The following CPEB3 variants were observed in gnomAD, a reference collection of about 807,000 sequenced individuals.
CPEB3 encodes cytoplasmic polyadenylation element binding protein 3, also known as cytoplasmic polyadenylation element-binding protein 3.
A neutral mutation model predicts 67.2 loss-of-function variants in CPEB3; 20 were observed. That is an observed-to-expected ratio of 0.30 (90% CI 0.21 to 0.43). The LOEUF (loss-of-function observed/expected upper bound fraction) is 0.43. CPEB3 is among the 20% of genes least tolerant of loss of function. The pLI, the probability that CPEB3 is intolerant of heterozygous loss-of-function variation, is 1.00. For synonymous variants in CPEB3, 376 were observed against 393.1 expected (o/e 0.96, Z 0.51); for missense variants, 746 against 968.6 (o/e 0.77, Z 3.05).
intron 2 of CPEB3, chr10:92,216,559 A>G: frequency 1.2e-6 from 2 of 1,612,286 alleles, no homozygotes; most frequent in Non-Finnish European, 1.7e-6. Context: ...AAGGAGAAAA[A>G]GGGATCATGG....
At chr10:92,195,020 G>T (rs1426407291) in intron 2 of CPEB3, among the ~76,000 whole-genome samples, 1 of 148,594 alleles carries the variant, frequency 6.7e-6, no homozygotes, top group Non-Finnish European at 1.5e-5. Context: ...CTCCAGCCTG[G>T]GCGACAGAGC....
chr10:92,246,738 T>C (rs1443567353), intron 1 of CPEB3, among the ~76,000 whole-genome samples: 1 of 152,002 alleles, frequency 6.6e-6, no homozygotes, highest in East Asian at 1.9e-4. Context: ...TTGATCTCCT[T>C]ACCTCATGAT....
rs374341420 is a variant in CPEB3 at position 92,141,688 on chromosome 10, C to A, written c.1453+1341G>T. 1.1e-4 allele frequency among the ~76,000 whole-genome samples: 17 copies of A among 148,780 alleles called. No homozygotes were observed. The East Asian group carries it at 1.8e-3, about 15-fold the overall frequency. On this transcript the variant is annotated intron_variant, in intron 6 of 9. Transcript: ENST00000265997. ...AATAAAAATAATAACTGGAATTATT[C>A]ATATGGTTATAATAAATAATTGATA...
At chr10:92,277,734 T>C (rs560227441) in intron 1 of CPEB3, among the ~76,000 whole-genome samples, 42 of 151,710 alleles carry the variant, frequency 2.8e-4, no homozygotes, top group African/African-American at 1.0e-3. Context: ...CTACTAAAAA[T>C]ACAAAAATCA....
At chr10:92,086,118 A>G (rs73314347) in intron 8 of CPEB3, among the ~76,000 whole-genome samples, 2,067 of 152,316 alleles carry the variant, frequency 0.014, 38 homozygotes, top group African/African-American at 0.046. Context: ...AGAGGAAAAT[A>G]ACACATTCGT....
At chr10:92,259,208 C>T (rs7074059) in intron 1 of CPEB3, among the ~76,000 whole-genome samples, 35,931 of 151,240 alleles carry the variant, frequency 0.24, 4,896 homozygotes, top group Middle Eastern at 0.34. Flanking sequence ...GGTGATCCAC[C>T]CACCTCAGCC....
chr10:92,159,918 G>C (rs1847386269), intron 4 of CPEB3, among the ~76,000 whole-genome samples: 1 of 150,142 alleles, frequency 6.7e-6, no homozygotes. Context: ...GATTCCTCCT[G>C]TACTACAAAC....
At chr10:92,187,641 G>A (rs1440087440) in intron 3 of CPEB3, among the ~76,000 whole-genome samples, 1 of 152,166 alleles carries the variant, frequency 6.6e-6, no homozygotes, top group African/African-American at 2.4e-5. Context: ...TGACGACCAT[G>A]AGTTTTCAGA....
chr10:92,182,112 T>C (rs1220939093), intron 3 of CPEB3, among the ~76,000 whole-genome samples: 1 of 152,224 alleles, frequency 6.6e-6, no homozygotes, highest in African/African-American at 2.4e-5. Context: ...CTGCAAGGTT[T>C]TAATGTTCAA....
intron 8 of CPEB3, among the ~76,000 whole-genome samples, chr10:92,084,164 CAAAAA>C (rs58877359): frequency 3.2e-5 from 3 of 94,076 alleles, no homozygotes; most frequent in Non-Finnish European, 2.1e-5. Context: ...GACTCTGTCT[CAAAAA>C]AAAAAAAAAA....
At chr10:92,078,531 AT>A (rs1193017818) in intron 9 of CPEB3, among the ~76,000 whole-genome samples, 2 of 152,134 alleles carry the variant, frequency 1.3e-5, no homozygotes, top group Admixed American at 1.3e-4. Flanking sequence ...GTTTAAATGT[AT>A]TGGAATCTGT....
chr10:92,097,873 T>A (rs1218606447), intron 7 of CPEB3, among the ~76,000 whole-genome samples: 1 of 151,904 alleles, frequency 6.6e-6, no homozygotes, highest in African/African-American at 2.4e-5. Flanking sequence ...TCTATAGAAA[T>A]CTGTTCAGCC....
At chr10:92,207,924 T>C (rs191893651) in intron 2 of CPEB3, among the ~76,000 whole-genome samples, 16 of 152,306 alleles carry the variant, frequency 1.1e-4, no homozygotes, top group South Asian at 2.1e-4. Context: ...ACTGGGCACA[T>C]AGCCAATATT....
intron 1 of CPEB3, among the ~76,000 whole-genome samples, chr10:92,260,609 T>C (rs1182051685): frequency 6.6e-6 from 1 of 152,058 alleles, no homozygotes; most frequent in Non-Finnish European, 1.5e-5. Flanking sequence ...GTTTGTTTTA[T>C]TCTTCTTCTT....
At position 92,181,472 on chromosome 10, in the gene CPEB3, TAATC is replaced by T. The variant is rs1848460757; in HGVS notation, c.1166-457_1166-454del. On this transcript the variant is annotated intron_variant, in intron 3 of 9. Transcript: ENST00000265997. ...ATAGTGGCTCAAAAATGCAATATAA[TAATC>T]AGAATGGCAACCAGAAGGAAGACGG... 2.0e-5 allele frequency among the ~76,000 whole-genome samples: 3 copies of T among 150,250 alleles called. No individual in the cohort carries two copies. The South Asian group carries it at 6.3e-4, about 32-fold the overall frequency.
rs998467980 is a variant in CPEB3 at position 92,048,153 on chromosome 10, G to A, written c.*4059C>T. ...GGGTCCACAGACAGTGGTGACATCC[G>A]AGTGTGCTTCCTCAGTGCCACCAAC... is the stretch of plus-strand genomic sequence containing the variant. On this transcript the variant is annotated 3_prime_UTR_variant, in exon 10 of 10. Transcript: ENST00000265997. The surrounding 1 kb of genome is among the most constrained non-coding windows in gnomAD (Gnocchi z 4.1). 2.6e-5 allele frequency: 4 copies of A among 152,308 alleles called. No homozygotes were observed. The highest frequency in any genetic ancestry group is 7.2e-5 in the African/African-American group (3 of 41,534). The allele number at this position is 152,308 out of a possible 1,614,324, so 9.4% of individuals were successfully genotyped here.
At chr10:92,200,089 T>C (rs1849446233) in intron 2 of CPEB3, among the ~76,000 whole-genome samples, 1 of 152,188 alleles carries the variant, frequency 6.6e-6, no homozygotes, top group Non-Finnish European at 1.5e-5. Flanking sequence ...GCTCCTTATA[T>C]CTAACCTAAA....
At chr10:92,190,722 A>C (rs1283659974) in intron 3 of CPEB3, among the ~76,000 whole-genome samples, 3 of 148,026 alleles carry the variant, frequency 2.0e-5, no homozygotes, top group Non-Finnish European at 4.5e-5. Flanking sequence ...AAAACCAGAT[A>C]GTAGAGGGAA....
chr10:92,251,776 C>T (rs1434901865), intron 1 of CPEB3, among the ~76,000 whole-genome samples: 2 of 151,758 alleles, frequency 1.3e-5, no homozygotes, highest in Non-Finnish European at 2.9e-5. Context: ...GAAGGGGACA[C>T]CAACAGAAAG....
Sources: allele counts gnomAD v4.1 joint callset (sites outside exome capture counted in the v4.1 genomes callset), GRCh38; gene constraint gnomAD v4.1.1; non-coding constraint Gnocchi (gnomAD v3.1); transcripts MANE v1.5; gene names NCBI Gene and HGNC (gene_info 2026-07-23, HGNC 2026-07-21).